NFIB: variants seen among roughly 807,000 people sequenced by gnomAD.
NFIB encodes the protein nuclear factor 1 B-type.
A neutral mutation model predicts 61.5 loss-of-function variants in NFIB; 11 were observed. That is an observed-to-expected ratio of 0.18 (90% confidence interval 0.11 to 0.30). The LOEUF (loss-of-function observed/expected upper bound fraction) is 0.30. Ranked by LOEUF, NFIB falls within the 10% of genes least tolerant of loss-of-function variation. NFIB has a pLI of 1.00. For synonymous variants in NFIB, 260 were observed against 216.5 expected, an observed-to-expected ratio of 1.20 and a Z score of -1.76; for missense variants, 471 against 608.9, an observed-to-expected ratio of 0.77 and a Z score of 2.38.
chr9:14,245,083 C>T (rs895724273), intron 2 of NFIB, among the ~76,000 whole-genome samples: 1 of 152,178 alleles, frequency 6.6e-6, no homozygotes, highest in Non-Finnish European at 1.5e-5. Flanking sequence ...GGGATAACAA[C>T]AGCTAAATTC....
chr9:14,377,682 A>C (rs2061435698), intron 1 of NFIB, among the ~76,000 whole-genome samples: 1 of 152,202 alleles, frequency 6.6e-6, no homozygotes, highest in African/African-American at 2.4e-5. Context: ...CTTATAAAGG[A>C]AAATTTTAAG....
rs190784666 is a variant in NFIB, at chr9:14,148,621, C to T, written c.806+1524G>A. Among the ~76,000 whole-genome samples, 729 of 152,232 alleles carry T rather than the reference C, an allele frequency of 4.8e-3. 6 individuals carry two copies. The highest frequency in any genetic ancestry group is 0.015 in the African/African-American group (630 of 41,554). On this transcript the variant is annotated intron_variant, in intron 5 of 10. Coordinates refer to ENST00000380953, the MANE Select transcript of NFIB (RefSeq NM_001190737.2). ...GACACATTTGGAGAGATTCAGTGGA[C>T]TGTCCAGGGCAAGTTAATGGAAGCA...
At chr9:14,089,191 A>G (rs1187210112) in intron 10 of NFIB, among the ~76,000 whole-genome samples, 2 of 151,980 alleles carry the variant, frequency 1.3e-5, no homozygotes, top group African/African-American at 4.8e-5. Context: ...AAGCCTGAGC[A>G]TTTCCTGCTC....
Position 14,313,537 on chromosome 9 carries a change from G to C in NFIB, c.-26C>G. 6.2e-7 allele frequency: 1 copy of C among 1,613,228 alleles called. No homozygotes were observed. The highest frequency in any genetic ancestry group is 1.1e-5 in the South Asian group (1 of 90,952). On this transcript the variant is annotated 5_prime_UTR_variant, in exon 1 of 11. Transcript: ENST00000380953. This position sits in a 1 kb window ranked among gnomAD's most constrained non-coding sequence, Gnocchi z 4.5. ...GACTTCGCCTTAAAACGCACTTTCC[G>C]GGAGATGCCCAAGAAAATCTTCGAG...
chr9:14,373,232 T>A (rs1224987160), intron 1 of NFIB, among the ~76,000 whole-genome samples: 4 of 152,244 alleles, frequency 2.6e-5, no homozygotes, highest in Non-Finnish European at 4.4e-5. Context: ...GACCTAACAA[T>A]TTATTGTTGG....
chr9:14,130,826 G>A (rs1202824180), intron 6 of NFIB, among the ~76,000 whole-genome samples: 1 of 152,182 alleles, frequency 6.6e-6, no homozygotes, highest in African/African-American at 2.4e-5. Flanking sequence ...ACCATAGCCA[G>A]TATATCTTAA....
chr9:14,147,078 C>T (rs1015546094), intron 5 of NFIB, among the ~76,000 whole-genome samples: 1 of 151,960 alleles, frequency 6.6e-6, no homozygotes, highest in Non-Finnish European at 1.5e-5. Context: ...AAAAAAATTC[C>T]ACTAATAAAA....
chr9:14,417,784 T>TG, the NFIB span, among the ~76,000 whole-genome samples: 7,870 of 145,914 alleles, frequency 0.054, 314 homozygotes, highest in African/African-American at 0.1. Context: ...GTTTTTTTTT[T>TG]TTTTTTTTTT....
chr9:14,486,830 A>T, the NFIB span, among the ~76,000 whole-genome samples: 37 of 152,144 alleles, frequency 2.4e-4, no homozygotes, highest in Non-Finnish European at 1.5e-4. Context: ...TCCTTACTTT[A>T]TTACCCTTTT....
At chr9:14,124,553 A>G (rs1186280239) in intron 7 of NFIB, among the ~76,000 whole-genome samples, 1 of 152,226 alleles carries the variant, frequency 6.6e-6, no homozygotes, top group African/African-American at 2.4e-5. Flanking sequence ...TTTAAAAACC[A>G]GATTCGATTA....
the NFIB span, among the ~76,000 whole-genome samples, chr9:14,455,530 A>C: frequency 1.3e-5 from 2 of 152,180 alleles, no homozygotes; most frequent in African/African-American, 4.8e-5. Context: ...GAGAAAGATG[A>C]AAACAAAACT....
At chr9:14,328,155 T>C (rs2060777373) in intron 1 of NFIB, among the ~76,000 whole-genome samples, 2 of 152,242 alleles carry the variant, frequency 1.3e-5, no homozygotes, top group South Asian at 4.1e-4. Flanking sequence ...CCCGCCTTTT[T>C]TTCTTTTGTG....
chr9:14,467,854 C>T, the NFIB span, among the ~76,000 whole-genome samples: 9 of 152,162 alleles, frequency 5.9e-5, no homozygotes, highest in East Asian at 7.7e-4. Flanking sequence ...CACTGTTGTC[C>T]CCATTTTACA....
the NFIB span, among the ~76,000 whole-genome samples, chr9:14,443,545 C>G: frequency 1.3e-5 from 2 of 152,166 alleles, no homozygotes; most frequent in Non-Finnish European, 2.9e-5. Flanking sequence ...TCCTCAGTCC[C>G]TTTCTAAGCC....
chr9:14,213,824 T>C (rs190331129), intron 2 of NFIB, among the ~76,000 whole-genome samples: 1 of 152,266 alleles, frequency 6.6e-6, no homozygotes, highest in Admixed American at 6.5e-5. Context: ...TCTGTGCTCT[T>C]AGGAAAATGT....
intron 2 of NFIB, among the ~76,000 whole-genome samples, chr9:14,228,416 G>A (rs868203946): frequency 1.3e-5 from 2 of 151,784 alleles, no homozygotes; most frequent in Non-Finnish European, 1.5e-5. Flanking sequence ...GGCTGGTCTC[G>A]AACTCCTGAC....
At chr9:14,497,760 A>C in the NFIB span, among the ~76,000 whole-genome samples, 2 of 152,186 alleles carry the variant, frequency 1.3e-5, no homozygotes, top group Non-Finnish European at 1.5e-5. Context: ...TGGGTATTTG[A>C]TCCAGGCTGG....
intron 1 of NFIB, among the ~76,000 whole-genome samples, chr9:14,335,505 T>C (rs1198725199): frequency 3.9e-5 from 6 of 152,248 alleles, no homozygotes; most frequent in Non-Finnish European, 8.8e-5. Context: ...AAAATATGTA[T>C]TCAAAACTTT....
intron 2 of NFIB, among the ~76,000 whole-genome samples, chr9:14,293,309 C>T (rs1296319554): frequency 6.6e-6 from 1 of 152,156 alleles, no homozygotes; most frequent in African/African-American, 2.4e-5. Flanking sequence ...AAAATGGCTG[C>T]AAACCACTCA....
Sources: allele counts gnomAD v4.1 joint callset (sites outside exome capture counted in the v4.1 genomes callset), GRCh38; gene constraint gnomAD v4.1.1; non-coding constraint Gnocchi (gnomAD v3.1); transcripts MANE v1.5; gene names NCBI Gene and HGNC (gene_info 2026-07-23, HGNC 2026-07-21).